Variants in TBC1D4 observed in about 807,000 individuals in gnomAD.
TBC1D4 encodes the protein TBC1 domain family member 4, also known as TBC (Tre-2, BUB2, CDC16) domain-containing protein.
In TBC1D4, 121 loss-of-function variants were observed where a neutral mutation model predicts 142.5. The observed-to-expected ratio is 0.85, with a 90% CI of 0.73 to 0.99. TBC1D4 has a LOEUF of 0.99. Among genes scored for constraint, TBC1D4 ranks in the 50% least tolerant of loss-of-function variants. The pLI is 0.00. For missense variants in TBC1D4, 1,475 were observed against 1,606.6 expected, an observed-to-expected ratio of 0.92 and a Z score of 1.40; for synonymous variants, 630 against 628.2, an observed-to-expected ratio of 1.00 and a Z score of -0.04.
At chr13:75,288,396 T>G (rs1351614438) in intron 20 of TBC1D4, among the ~76,000 whole-genome samples, 1 of 152,154 alleles carries the variant, frequency 6.6e-6, no homozygotes, top group East Asian at 1.9e-4. Flanking sequence ...TTGACAGGAT[T>G]AAAGCCATGT....
At chr13:75,464,394 G>A (rs1888088049) in intron 1 of TBC1D4, among the ~76,000 whole-genome samples, 1 of 152,206 alleles carries the variant, frequency 6.6e-6, no homozygotes, top group South Asian at 2.1e-4. Flanking sequence ...AGCAATCTGT[G>A]CCTTAAGGAC....
intron 1 of TBC1D4, among the ~76,000 whole-genome samples, chr13:75,400,400 C>T (rs2138345858): frequency 1.3e-5 from 2 of 152,264 alleles, no homozygotes; most frequent in South Asian, 4.1e-4. Flanking sequence ...CAATACACCC[C>T]ATTCTCCAAA....
At chr13:75,470,038 C>T (rs912377457) in intron 1 of TBC1D4, among the ~76,000 whole-genome samples, 2 of 152,046 alleles carry the variant, frequency 1.3e-5, no homozygotes, top group Non-Finnish European at 2.9e-5. Flanking sequence ...GTTTGGAATC[C>T]CAGATCTGCC....
chr13:75,476,401 T>C (rs1888632755), intron 1 of TBC1D4, among the ~76,000 whole-genome samples: 3 of 152,234 alleles, frequency 2.0e-5, no homozygotes, highest in Admixed American at 2.0e-4. Context: ...TGTAGTGTCA[T>C]GTTGATGCTC....
chr13:75,371,907 A>G (rs941678742), intron 1 of TBC1D4, among the ~76,000 whole-genome samples: 1 of 152,264 alleles, frequency 6.6e-6, no homozygotes, highest in Non-Finnish European at 1.5e-5. Flanking sequence ...CAAAATAAGA[A>G]TAACATACTT....
intron 1 of TBC1D4, among the ~76,000 whole-genome samples, chr13:75,422,291 T>C (rs2138124914): frequency 6.6e-6 from 1 of 152,078 alleles, no homozygotes; most frequent in South Asian, 2.1e-4. Flanking sequence ...ATCAAAATAA[T>C]TCAGGCCTGA....
At chr13:75,441,452 A>C (rs1207454433) in intron 1 of TBC1D4, among the ~76,000 whole-genome samples, 1 of 152,218 alleles carries the variant, frequency 6.6e-6, no homozygotes. Context: ...TACTTTTTGA[A>C]TATCTAATCA....
rs763740779 is a variant in TBC1D4 at position 75,359,797 on chromosome 13, T to C, written c.1142A>G (p.Asn381Ser). ...AGAACAAGAGGAGATATCTTTAAAA[T>C]TCTTTTCTAGCACAACTGATTTAGT... ...PDTKSVVLEK[N>S]FKDISSCSQG... is the part of the protein sequence containing the mutation. Residue 381 changes from asparagine to serine, a missense_variant, in exon 3 of 21, where the codon AAT (asparagine) becomes AGT (serine). Asn to Ser is a conservative substitution (Grantham distance 46). Around this residue, in one of 2 missense-constraint regions of TBC1D4, gnomAD observed 1,227 missense variants for 1,267.7 expected, o/e 0.97. Transcript: ENST00000377636. The C allele has an allele frequency of 2.5e-6, 4 of 1,613,660 alleles. No individual in the cohort carries two copies. The highest frequency in any genetic ancestry group is 2.2e-5 in the South Asian group (2 of 91,046).
chr13:75,453,115 C>A (rs1887596096), intron 1 of TBC1D4, among the ~76,000 whole-genome samples: 1 of 151,872 alleles, frequency 6.6e-6, no homozygotes, highest in African/African-American at 2.4e-5. Context: ...TCTAACATTC[C>A]TGGCACAAAG....
intron 13 of TBC1D4, among the ~76,000 whole-genome samples, chr13:75,311,775 T>C (rs1469494264): frequency 6.6e-6 from 1 of 152,208 alleles, no homozygotes; most frequent in African/African-American, 2.4e-5. Flanking sequence ...TAAATGATTA[T>C]GATTATTTGG....
intron 10 of TBC1D4, among the ~76,000 whole-genome samples, chr13:75,324,944 G>A (rs569798502): frequency 6.6e-5 from 10 of 152,178 alleles, no homozygotes; most frequent in African/African-American, 2.4e-4. Context: ...TGGTTTAATC[G>A]AAAGCCCAAA....
rs1297106733 is a variant in TBC1D4 at position 75,362,234 on chromosome 13, C to T, written c.872G>A (p.Ser291Asn). 3 of 1,613,910 alleles carry T rather than the reference C, an allele frequency of 1.9e-6. No homozygotes were observed. The highest frequency in any genetic ancestry group is 2.5e-6 in the Non-Finnish European group (3 of 1,179,992). Residue 291 changes from serine to asparagine, a missense_variant, in exon 2 of 21, where the codon AGC (serine) becomes AAC (asparagine). Coordinates refer to ENST00000377636, the MANE Select transcript of TBC1D4 (RefSeq NM_014832.5). This position sits in a 1 kb window ranked among gnomAD's most constrained non-coding sequence, Gnocchi z 4.2. ...PAGASQPALTSSRVCFPERIL... is the reference protein window; with the variant it reads ...PAGASQPALTNSRVCFPERIL... Reference sequence around the variant, plus strand: ...CCGCTCAGGGAAGCAGACCCGAGAGCTGGTCAGGGCAGGCTGGCTGGCCCC... The same window carrying T: ...CCGCTCAGGGAAGCAGACCCGAGAGTTGGTCAGGGCAGGCTGGCTGGCCCC...
intron 8 of TBC1D4, 51 bp downstream of exon 8, chr13:75,336,870 T>C (rs762754964): frequency 6.8e-6 from 11 of 1,611,158 alleles, no homozygotes; most frequent in Non-Finnish European, 9.3e-6. Flanking sequence ...GAAGCTAAAC[T>C]GTTAGAAAAC....
chr13:75,477,972 T>C (rs1888688871), intron 1 of TBC1D4, among the ~76,000 whole-genome samples: 1 of 152,206 alleles, frequency 6.6e-6, no homozygotes, highest in African/African-American at 2.4e-5. Context: ...GAAACAGTGG[T>C]GCATTGAGCC....
chr13:75,388,125 T>A (rs965072218), intron 1 of TBC1D4, among the ~76,000 whole-genome samples: 1 of 152,178 alleles, frequency 6.6e-6, no homozygotes, highest in African/African-American at 2.4e-5. Flanking sequence ...TCACATCACA[T>A]CTCTCTGACC....
At chr13:75,474,905 G>A (rs535615690) in intron 1 of TBC1D4, among the ~76,000 whole-genome samples, 4 of 152,242 alleles carry the variant, frequency 2.6e-5, no homozygotes, top group African/African-American at 4.8e-5. Context: ...CCAAAGTGCT[G>A]GGATTACAGG....
intron 19 of TBC1D4, among the ~76,000 whole-genome samples, chr13:75,289,410 A>C (rs1366307101): frequency 1.3e-5 from 2 of 152,114 alleles, no homozygotes; most frequent in Admixed American, 1.3e-4. Context: ...AGAATAAATT[A>C]ATGTCCAAGT....
intron 1 of TBC1D4, among the ~76,000 whole-genome samples, chr13:75,447,098 C>T (rs1887317347): frequency 6.6e-6 from 1 of 152,150 alleles, no homozygotes; most frequent in Admixed American, 6.5e-5. Context: ...ACAACTGTTG[C>T]ACGTGGTTAC....
At chr13:75,300,254 A>AT (rs1876391294) in intron 16 of TBC1D4, among the ~76,000 whole-genome samples, 1 of 152,196 alleles carries the variant, frequency 6.6e-6, no homozygotes, top group African/African-American at 2.4e-5. Context: ...TCCCCTCTAA[A>AT]ATATACCTCT....
Sources: allele counts gnomAD v4.1 joint callset (sites outside exome capture counted in the v4.1 genomes callset), GRCh38; gene constraint gnomAD v4.1.1; regional missense constraint gnomAD v4.1.1; non-coding constraint Gnocchi (gnomAD v3.1); transcripts MANE v1.5; gene names NCBI Gene and HGNC (gene_info 2026-07-23, HGNC 2026-07-21).